The following CRYAB variants were observed in gnomAD, a reference collection of about 807,000 sequenced individuals.
The protein encoded by CRYAB is crystallin alpha B.
Under a neutral mutation model 12.7 loss-of-function variants are expected in CRYAB, and 9 were observed. That is an observed-to-expected ratio of 0.71 (90% CI 0.43 to 1.24). CRYAB has a LOEUF of 1.24. Among genes scored for constraint, CRYAB ranks in the 50% most tolerant of loss-of-function variants. The probability of loss-of-function intolerance (pLI) is 0.00; values close to 1 mark genes in which losing one functional copy is unlikely to be tolerated. For synonymous variants in CRYAB, 93 were observed against 86.8 expected (o/e 1.07, Z -0.40); for missense variants, 183 against 226.6 (o/e 0.81, Z 1.24).
chr11:111,918,391 A>T (rs1965629955), intron 1 of CRYAB, among the ~76,000 whole-genome samples: 1 of 152,184 alleles, frequency 6.6e-6, no homozygotes, highest in Admixed American at 6.5e-5. Context: ...TATAAAGGTT[A>T]AGTGATTTGC....
At chr11:111,911,873 A>T, upstream of CRYAB, 1 of 637,418 alleles carries the variant, frequency 1.6e-6, no homozygotes, top group Admixed American at 2.7e-5. Flanking sequence ...GTTCATGGAG[A>T]CTTGTGATCC....
In CRYAB at chr11:111,911,728, G is replaced by A; in HGVS notation, c.-4C>T. ...GGTGGTGGATGGCGATGTCCATGGT[G>A]GCTAGGTGAGTGTGAGGGGTCAGCT... On this transcript the variant is annotated 5_prime_UTR_variant, in exon 1 of 3. Transcript: ENST00000650687. 1.3e-6 allele frequency: 2 copies of A among 1,576,252 alleles called. No homozygotes were observed. Among genetic ancestry groups the A allele is most frequent in the Non-Finnish European group, 8.6e-7 (1 of 1,160,266 alleles).
At position 111,910,323 on chromosome 11, in the gene CRYAB, A is replaced by C. The variant is rs11603779; in HGVS notation, c.324+4T>G. On this transcript the variant is annotated splice_donor_region_variant and intron_variant, in intron 2 of 2. Coordinates refer to ENST00000650687, the MANE Select transcript of CRYAB (RefSeq NM_001289808.2). ...AGCAGAAAACAAAAAAACAAGCTAC[A>C]TACCTGGCGCTCTTCATGTTTTCCA... The C allele has an allele frequency of 0.28, 453,531 of 1,613,724 alleles. 64,777 individuals are homozygous for C. The highest frequency in any genetic ancestry group is 0.32 in the Middle Eastern group (1,969 of 6,062).
upstream of CRYAB, chr11:111,911,851 A>G: frequency 1.5e-6 from 1 of 680,092 alleles, no homozygotes; most frequent in Non-Finnish European, 2.6e-6. Flanking sequence ...TTATTATCCT[A>G]GCTCACCAGC....
intron 2 of CRYAB, 125 bp downstream of exon 2, chr11:111,910,202 C>A (rs554248866): frequency 1.7e-6 from 2 of 1,187,374 alleles, no homozygotes; most frequent in African/African-American, 1.5e-5. Flanking sequence ...GATTTGTAAC[C>A]CCTGATCCCG....
chr11:111,910,718 G>T, intron 1 of CRYAB: 1 of 526,500 alleles, frequency 1.9e-6, no homozygotes, highest in Admixed American at 3.1e-5. Context: ...TCGCAAGGAT[G>T]GGTGCAAGCC....
intron 1 of CRYAB, among the ~76,000 whole-genome samples, chr11:111,922,026 T>C (rs939222285): frequency 2.0e-5 from 3 of 152,018 alleles, no homozygotes; most frequent in Non-Finnish European, 4.4e-5. Context: ...AGAGACGGGG[T>C]TTCACCTGTT....
chr11:111,919,014 C>G (rs1555166301), intron 1 of CRYAB: 1 of 1,614,132 alleles, frequency 6.2e-7, no homozygotes, highest in Non-Finnish European at 8.5e-7. Flanking sequence ...GGTGAGTAGG[C>G]TGGAAGGGCA....
At chr11:111,909,858 A>T (rs1965397386) in intron 2 of CRYAB, 1 of 413,144 alleles carries the variant, frequency 2.4e-6, no homozygotes, top group Admixed American at 3.9e-5. Context: ...ACAGCCCTAT[A>T]CCTAATCAGT....
chr11:111,913,217 CCTCCTCCTCCTT>C, upstream of CRYAB: 1 of 604,302 alleles, frequency 1.7e-6, no homozygotes, highest in East Asian at 2.8e-5. Flanking sequence ...TCCTCCTCCC[CCTCCTCCTCCTT>C]CTCCTCCTCC....
chr11:111,915,978 G>A (rs587715193), upstream of CRYAB, among the ~76,000 whole-genome samples: 20 of 152,212 alleles, frequency 1.3e-4, no homozygotes, highest in African/African-American at 4.6e-4. Context: ...CTGGACTCAA[G>A]CAATCCTCTA....
In CRYAB at chr11:111,911,765, T is replaced by A. The variant is rs782756204; in HGVS notation, c.-41A>T. 6.3e-5 allele frequency: 87 copies of A among 1,383,608 alleles called. No homozygotes were observed. Among genetic ancestry groups the A allele is most frequent in the Admixed American group, 1.8e-4 (9 of 51,002 alleles). The allele number at this position is 1,383,608 out of a possible 1,614,324, so 85.7% of individuals were successfully genotyped here. A position where few individuals can be genotyped will look rare whatever the true frequency, so the allele number is the denominator to read the frequency against. ...GTGAGGGGTCAGCTGGCTGGTCAGC[T>A]CCTTCAGCTGCAGCTACAGCCAGCC... On this transcript the variant is annotated 5_prime_UTR_variant, in exon 1 of 3. Transcript: ENST00000650687.
chr11:111,909,555 T>A (rs956314596), intron 2 of CRYAB, among the ~76,000 whole-genome samples: 8 of 152,200 alleles, frequency 5.3e-5, no homozygotes, highest in Non-Finnish European at 8.8e-5. Flanking sequence ...TATAAAGTCA[T>A]AACAAGCTGT....
chr11:111,919,355 C>T, intron 1 of CRYAB: 1 of 219,222 alleles, frequency 4.6e-6, no homozygotes, highest in South Asian at 7.4e-5. Flanking sequence ...CACCTGTAGT[C>T]CCAGCTACTC....
At chr11:111,921,440 C>T (rs1965697188) in intron 1 of CRYAB, among the ~76,000 whole-genome samples, 1 of 152,160 alleles carries the variant, frequency 6.6e-6, no homozygotes, top group South Asian at 2.1e-4. Context: ...GGAAGAACAC[C>T]TAACATCATG....
chr11:111,921,041 C>T (rs1157213562), intron 1 of CRYAB, among the ~76,000 whole-genome samples: 1 of 152,172 alleles, frequency 6.6e-6, no homozygotes, highest in African/African-American at 2.4e-5. Context: ...TTCATCACTG[C>T]CATGCCGTAA....
chr11:111,908,932 C>T lies in CRYAB; in HGVS notation c.360G>A (p.Arg120=). Residue 120 remains arginine, a synonymous_variant, in exon 3 of 3, where the codon AGG becomes AGA. Coordinates refer to ENST00000650687, the MANE Select transcript of CRYAB (RefSeq NM_001289808.2). ...EHGFISREFH[R]KYRIPADVDP... ...CTACATCAGCTGGGATCCGGTATTTCCTGTGGAACTCCCTGGAGATGAAAC... is the reference window on the plus strand; with the variant it reads ...CTACATCAGCTGGGATCCGGTATTTTCTGTGGAACTCCCTGGAGATGAAAC... 1.2e-6 allele frequency: 2 copies of T among 1,614,038 alleles called. No homozygotes were observed. The highest frequency in any genetic ancestry group is 2.2e-5 in the East Asian group (1 of 44,880).
At chr11:111,918,772 G>T in intron 1 of CRYAB, 2 of 691,142 alleles carry the variant, frequency 2.9e-6, no homozygotes, top group Non-Finnish European at 5.4e-6. Flanking sequence ...TGGAGCCCGT[G>T]TGTTGTTCTA....
chr11:111,909,512 G>A (rs981074434), intron 2 of CRYAB, among the ~76,000 whole-genome samples: 18 of 152,306 alleles, frequency 1.2e-4, no homozygotes, highest in Admixed American at 3.3e-4. Flanking sequence ...CTGAGCTATC[G>A]TTAAATGGTG....
Sources: allele counts gnomAD v4.1 joint callset (sites outside exome capture counted in the v4.1 genomes callset), GRCh38; gene constraint gnomAD v4.1.1; transcripts MANE v1.5; gene names NCBI Gene and HGNC (gene_info 2026-07-23, HGNC 2026-07-21).